C7: variants seen among roughly 807,000 people sequenced by gnomAD.
C7 encodes complement component C7.
A neutral mutation model predicts 104.8 loss-of-function variants in C7; 83 were observed. The ratio of observed to expected loss-of-function variants is 0.79; its 90% CI spans 0.66 to 0.95. C7 has a LOEUF of 0.95. Ranked by LOEUF, C7 falls within the 40% of genes least tolerant of loss-of-function variation. C7 has a pLI of 0.00. For synonymous variants in C7, 415 were observed against 360.6 expected (o/e 1.15, Z -1.71); for missense variants, 1,070 against 1,011.2 (o/e 1.06, Z -0.79).
chr5:40,972,642 G>A (rs750885665), intron 15 of C7, 48 bp downstream of exon 15: 6 of 1,487,778 alleles, frequency 4.0e-6, no homozygotes, highest in South Asian at 1.3e-5. Flanking sequence ...CCAGGCAAGT[G>A]AGAGTCCTTG....
At chr5:40,966,390 G>A (rs1327369806) in intron 14 of C7, among the ~76,000 whole-genome samples, 1 of 136,856 alleles carries the variant, frequency 7.3e-6, no homozygotes, top group African/African-American at 2.8e-5. Flanking sequence ...TTTTTTTTTT[G>A]AGATGGAGTC....
At chr5:40,980,551 G>A (rs777745330) in intron 17 of C7, among the ~76,000 whole-genome samples, 6 of 152,228 alleles carry the variant, frequency 3.9e-5, no homozygotes. Context: ...AGTACTTACA[G>A]TGATCTTGAA....
At position 40,956,542 on chromosome 5, in the gene C7, G is replaced by A. The variant is rs547156777; in HGVS notation, c.1260+989G>A. Among the ~76,000 whole-genome samples, 15 of 152,314 alleles carry A rather than the reference G, an allele frequency of 9.8e-5. No individual in the cohort carries two copies. In the South Asian group the frequency reaches 3.1e-3, roughly 32 times the overall value. On this transcript the variant is annotated intron_variant, in intron 10 of 17. Transcript: ENST00000313164. ...TTCATGTGGACATAGTTGTACATAA[G>A]AAAATCTCAAATCTGTGCTATACTC...
At chr5:40,977,658 C>T (rs1078375) in intron 16 of C7, among the ~76,000 whole-genome samples, 63,578 of 151,992 alleles carry the variant, frequency 0.42, 13,293 homozygotes, top group South Asian at 0.51. Context: ...CTTCCTGCCT[C>T]GAGTCTCCTG....
chr5:40,969,595 T>A (rs1740646535), intron 14 of C7, among the ~76,000 whole-genome samples: 1 of 152,204 alleles, frequency 6.6e-6, no homozygotes, highest in Non-Finnish European at 1.5e-5. Context: ...TCCAAGGATG[T>A]GGCCATTAAG....
chr5:40,924,555 A>C (rs1739512707), intron 1 of C7, among the ~76,000 whole-genome samples: 1 of 152,104 alleles, frequency 6.6e-6, no homozygotes, highest in Admixed American at 6.6e-5. Context: ...GGGGGTTCCA[A>C]CCCTGCATTT....
At chr5:40,947,561 C>T in intron 7 of C7, 41 bp from the exon 8 acceptor site, 1 of 1,605,076 alleles carries the variant, frequency 6.2e-7, no homozygotes, top group Non-Finnish European at 8.5e-7. Context: ...GCCTTTTTAT[C>T]TTCCACCTAA....
chr5:40,964,451 C>CCATATTGACTATATAGGGG (rs1740499824), intron 13 of C7: 2 of 212,358 alleles, frequency 9.4e-6, no homozygotes, highest in Non-Finnish European at 1.8e-5. Flanking sequence ...GGACAGTGTC[C>CCATATTGACTATATAGGGG]AAATAATTTT....
chr5:40,918,372 A>G (rs1739362195), intron 1 of C7, among the ~76,000 whole-genome samples: 1 of 152,088 alleles, frequency 6.6e-6, no homozygotes, highest in Non-Finnish European at 1.5e-5. Flanking sequence ...AAAAGTATCT[A>G]CAATACCACA....
intron 8 of C7, among the ~76,000 whole-genome samples, chr5:40,949,693 C>A (rs1302893954): frequency 6.6e-6 from 1 of 152,096 alleles, no homozygotes; most frequent in African/African-American, 2.4e-5. Flanking sequence ...ATCTCTTCTG[C>A]CTCCCCTCTG....
chr5:40,911,743 T>TC (rs1020026703), intron 1 of C7, among the ~76,000 whole-genome samples: 4 of 149,402 alleles, frequency 2.7e-5, no homozygotes, highest in Non-Finnish European at 4.5e-5. Context: ...TTTCTTTCTT[T>TC]TTTTTTTTTT....
chr5:40,911,740 CTTT>C (rs536500122), intron 1 of C7, among the ~76,000 whole-genome samples: 4 of 138,612 alleles, frequency 2.9e-5, no homozygotes, highest in Non-Finnish European at 4.7e-5. Context: ...TTCTTTCTTT[CTTT>C]TTTTTTTTTT....
At chr5:40,956,213 T>C (rs1361085981) in intron 10 of C7, among the ~76,000 whole-genome samples, 1 of 152,230 alleles carries the variant, frequency 6.6e-6, no homozygotes, top group African/African-American at 2.4e-5. Flanking sequence ...TTATTAAAAA[T>C]GTATCTATAC....
chr5:40,914,124 C>A (rs186465825), intron 1 of C7, among the ~76,000 whole-genome samples: 30 of 152,318 alleles, frequency 2.0e-4, no homozygotes, highest in East Asian at 1.5e-3. Context: ...CCATCACATT[C>A]AGCCAGTTTT....
chr5:40,909,647 TGAA>T, intron 1 of C7, 31 bp downstream of exon 1: 1 of 1,484,664 alleles, frequency 6.7e-7, no homozygotes. Flanking sequence ...CTTTTGTAAA[TGAA>T]GCTATCTTTT....
rs13359091 is a variant in C7, at chr5:40,941,863, G to A, written c.568-3335G>A. 4.9e-3 allele frequency among the ~76,000 whole-genome samples: 750 copies of A among 152,292 alleles called. 7 individuals are homozygous for A. The highest frequency in any genetic ancestry group is 0.017 in the African/African-American group (721 of 41,548). On this transcript the variant is annotated intron_variant, in intron 6 of 17. Transcript: ENST00000313164. ...TGTTTGAGCTGGAAATAGACATTTG[G>A]TGATTATTGGTATAAGAATGGTAAT...
chr5:40,963,214 C>T (rs1203731464), intron 13 of C7, among the ~76,000 whole-genome samples: 3 of 152,120 alleles, frequency 2.0e-5, no homozygotes, highest in Admixed American at 2.0e-4. Flanking sequence ...TGGCTGCATC[C>T]GAATGACTCA....
intron 1 of C7, among the ~76,000 whole-genome samples, chr5:40,924,320 T>C (rs2876848): frequency 0.23 from 34,503 of 152,094 alleles, 4,108 homozygotes; most frequent in East Asian, 0.32. Context: ...ATCCAGGACA[T>C]ACTGCTGTGA....
rs113981032 is a variant in C7, at chr5:40,959,920, A to G, written c.1661+300A>G. Among the ~76,000 whole-genome samples the G allele has an allele frequency of 9.1e-3, 1,384 of 152,358 alleles. 13 individuals carry two copies. Among genetic ancestry groups the G allele is most frequent in the African/African-American group, 0.032 (1,319 of 41,592 alleles). ...TGTGACCTTGGGCAAGTTACTGGCCACATCTCTAAAATTAGCATGATAATA... is the reference window on the plus strand; with the variant it reads ...TGTGACCTTGGGCAAGTTACTGGCCGCATCTCTAAAATTAGCATGATAATA... On this transcript the variant is annotated intron_variant, in intron 12 of 17. Coordinates refer to ENST00000313164, the MANE Select transcript of C7 (RefSeq NM_000587.4).
Sources: gnomAD v4.1 joint callset for allele counts (sites outside exome capture counted in the v4.1 genomes callset) on GRCh38, gnomAD v4.1.1 for gene constraint, MANE v1.5 for transcripts, NCBI Gene and HGNC (gene_info 2026-07-23, HGNC 2026-07-21) for gene names.